The following CPNE4 variants were observed in gnomAD, a reference collection of about 807,000 sequenced individuals.
CPNE4 encodes copine-4.
In CPNE4, 25 loss-of-function variants were observed where a neutral mutation model predicts 67.9. The ratio of observed to expected loss-of-function variants is 0.37; its 90% confidence interval spans 0.27 to 0.51. The LOEUF is 0.51. Among genes scored for constraint, CPNE4 ranks in the 20% least tolerant of loss-of-function variants. The pLI is 0.93. For missense variants in CPNE4, 464 were observed against 690.8 expected (o/e 0.67, Z 3.68); for synonymous variants, 242 against 244.9 (o/e 0.99, Z 0.11).
At chr3:131,842,832 A>G (rs2085845761) in intron 2 of CPNE4, among the ~76,000 whole-genome samples, 2 of 152,204 alleles carry the variant, frequency 1.3e-5, no homozygotes, top group Non-Finnish European at 2.9e-5. Context: ...TAAAAGTAAC[A>G]TGAAACACTT....
intron 7 of CPNE4, among the ~76,000 whole-genome samples, chr3:131,665,600 A>G (rs1011416614): frequency 2.0e-5 from 3 of 152,026 alleles, no homozygotes; most frequent in Non-Finnish European, 4.4e-5. Flanking sequence ...CAGAGGTTGT[A>G]GTGAGCCTAG....
rs149615050 is a variant in CPNE4, at chr3:132,014,340, C to T, written c.-2+20227G>A. ...TCCCCCCGAATGCTCCTCCCACCCC[C>T]ACTCCTCATCTCTCTCTCTCCAAGA... On this transcript the variant is annotated intron_variant, in intron 1 of 15. Transcript: ENST00000429747. Among the ~76,000 whole-genome samples, 1,045 of 152,208 alleles carry T rather than the reference C, an allele frequency of 6.9e-3. 16 individuals carry two copies. The highest frequency in any genetic ancestry group is 0.024 in the African/African-American group (997 of 41,546).
At chr3:131,673,464 G>GA (rs987394028) in intron 6 of CPNE4, among the ~76,000 whole-genome samples, 14 of 152,096 alleles carry the variant, frequency 9.2e-5, no homozygotes, top group African/African-American at 2.9e-4. Flanking sequence ...TCTAATCCCT[G>GA]AACATGGACT....
At chr3:131,763,912 A>G (rs2082948468) in intron 2 of CPNE4, among the ~76,000 whole-genome samples, 1 of 152,150 alleles carries the variant, frequency 6.6e-6, no homozygotes, top group Non-Finnish European at 1.5e-5. Context: ...GGTGCATCCA[A>G]TATTGTTTTT....
At chr3:131,901,674 A>C (rs1583426736) in intron 2 of CPNE4, among the ~76,000 whole-genome samples, 1 of 151,942 alleles carries the variant, frequency 6.6e-6, no homozygotes, top group African/African-American at 2.4e-5. Context: ...GCAGGGCTGG[A>C]AATGTTGCCT....
chr3:131,942,219 G>GAAA (rs1371191317), intron 1 of CPNE4, among the ~76,000 whole-genome samples: 1 of 151,884 alleles, frequency 6.6e-6, no homozygotes, highest in Non-Finnish European at 1.5e-5. Context: ...TTGTTTATAA[G>GAAA]GCACTTATTG....
At chr3:131,651,649 C>G (rs931608947) in intron 7 of CPNE4, among the ~76,000 whole-genome samples, 8 of 152,164 alleles carry the variant, frequency 5.3e-5, no homozygotes, top group Non-Finnish European at 7.3e-5. Flanking sequence ...CAGGAACTTA[C>G]TCAGCTCTCT....
chr3:131,809,937 G>A (rs1201334454), intron 2 of CPNE4, among the ~76,000 whole-genome samples: 4 of 151,902 alleles, frequency 2.6e-5, no homozygotes, highest in Non-Finnish European at 5.9e-5. Flanking sequence ...GAATTGAAAA[G>A]GAGTCATGGA....
chr3:131,962,298 T>A (rs2072205826), intron 1 of CPNE4, among the ~76,000 whole-genome samples: 1 of 152,244 alleles, frequency 6.6e-6, no homozygotes. Flanking sequence ...TCTTTTCTTT[T>A]GCCTTGGAAT....
chr3:131,836,158 C>T (rs1560429566), intron 2 of CPNE4, among the ~76,000 whole-genome samples: 1 of 152,076 alleles, frequency 6.6e-6, no homozygotes, highest in African/African-American at 2.4e-5. Context: ...TTTTTAAAGG[C>T]TTTAAAAAAT....
intron 2 of CPNE4, among the ~76,000 whole-genome samples, chr3:131,770,507 G>C (rs1293442777): frequency 6.6e-6 from 1 of 152,222 alleles, no homozygotes. Flanking sequence ...GAGATAGGTG[G>C]AGCTAGCAAC....
chr3:131,963,686 T>G (rs1263587280), intron 1 of CPNE4, among the ~76,000 whole-genome samples: 2 of 152,162 alleles, frequency 1.3e-5, no homozygotes, highest in Non-Finnish European at 2.9e-5. Flanking sequence ...CCTCTCTAGA[T>G]TCCTCTTCAC....
chr3:131,941,827 T>C (rs890839535), intron 1 of CPNE4, among the ~76,000 whole-genome samples: 12 of 152,132 alleles, frequency 7.9e-5, no homozygotes, highest in African/African-American at 2.9e-4. Flanking sequence ...GTATAAAATA[T>C]CATAACCCTT....
rs1384658697 is a variant in CPNE4, at chr3:131,717,888, T to C, written c.360+5558A>G. Among the ~76,000 whole-genome samples, 11 of 46,388 alleles carry C rather than the reference T, an allele frequency of 2.4e-4. 1 individual carries two copies. Among genetic ancestry groups the C allele is most frequent in the Non-Finnish European group, 5.3e-4 (9 of 16,910 alleles). 30.4% of individuals were successfully genotyped at this position (46,388 alleles called of 152,430 possible). ...TTCTTTCTTTCTTTTCTTTCTTTCT[T>C]TCTTTCTTTCTTTCTTTCTTTCTTT... is the stretch of plus-strand genomic sequence containing the variant. On this transcript the variant is annotated intron_variant, in intron 3 of 15. Transcript: ENST00000429747.
chr3:131,748,098 T>C (rs2082536475), intron 2 of CPNE4, among the ~76,000 whole-genome samples: 1 of 152,078 alleles, frequency 6.6e-6, no homozygotes, highest in African/African-American at 2.4e-5. Context: ...GGCATCAATA[T>C]GATCATGTGA....
intron 7 of CPNE4, among the ~76,000 whole-genome samples, chr3:131,653,461 T>C (rs61527669): frequency 0.29 from 44,782 of 152,012 alleles, 9,728 homozygotes; most frequent in African/African-American, 0.62. Flanking sequence ...GATACGACTT[T>C]TAACCAGACC....
intron 1 of CPNE4, among the ~76,000 whole-genome samples, chr3:131,962,003 C>G (rs1408488902): frequency 6.6e-6 from 1 of 152,204 alleles, no homozygotes; most frequent in Non-Finnish European, 1.5e-5. Flanking sequence ...AATGGTCATT[C>G]ATGCATTCAC....
intron 2 of CPNE4, among the ~76,000 whole-genome samples, chr3:131,731,980 C>A (rs751987008): frequency 6.6e-6 from 1 of 151,976 alleles, no homozygotes; most frequent in African/African-American, 2.4e-5. Context: ...GTGGGGGTGG[C>A]GGGGAACCAA....
chr3:131,774,798 T>G (rs2083255454), intron 2 of CPNE4, among the ~76,000 whole-genome samples: 1 of 152,180 alleles, frequency 6.6e-6, no homozygotes, highest in Admixed American at 6.5e-5. Context: ...AACTAGATAT[T>G]GTTCTTAAAA....
Sources: allele counts gnomAD v4.1 joint callset (sites outside exome capture counted in the v4.1 genomes callset), GRCh38; gene constraint gnomAD v4.1.1; transcripts MANE v1.5; gene names NCBI Gene and HGNC (gene_info 2026-07-23, HGNC 2026-07-21).